Variants in CALU observed in about 807,000 individuals in gnomAD.
The protein encoded by CALU is IEF SSP 9302.
CALU carries 13 observed loss-of-function variants against 37.5 expected under a neutral mutation model. That is an observed-to-expected ratio of 0.35 (90% CI 0.23 to 0.55). The LOEUF (loss-of-function observed/expected upper bound fraction) is 0.55, where lower values mean the gene tolerates loss of function less well. CALU is among the 20% of genes least tolerant of loss of function. CALU has a pLI of 0.89. For missense variants in CALU, 282 were observed against 391.7 expected (o/e 0.72, Z 2.36); for synonymous variants, 114 against 133.8 (o/e 0.85, Z 1.02).
intron 6 of CALU, among the ~76,000 whole-genome samples, chr7:128,767,873 A>G (rs1801396032): frequency 6.6e-6 from 1 of 152,210 alleles, no homozygotes; most frequent in South Asian, 2.1e-4. Flanking sequence ...GCATTGTAGG[A>G]AATTTGGCTT....
At chr7:128,748,533 A>G in intron 1 of CALU, 40 bp from the exon 2 acceptor site, 1 of 1,478,014 alleles carries the variant, frequency 6.8e-7, no homozygotes, top group Non-Finnish European at 9.4e-7. Flanking sequence ...GTTATTAAGC[A>G]TACTGCCTCC....
intron 1 of CALU, among the ~76,000 whole-genome samples, chr7:128,742,305 A>G (rs1157860479): frequency 6.6e-6 from 1 of 152,220 alleles, no homozygotes; most frequent in African/African-American, 2.4e-5. Context: ...ATTGAAGTAG[A>G]CAGTTAAACA....
chr7:128,742,415 C>A (rs528379386), intron 1 of CALU, among the ~76,000 whole-genome samples: 4 of 152,332 alleles, frequency 2.6e-5, no homozygotes, highest in Admixed American at 6.5e-5. Flanking sequence ...ACACCCATTT[C>A]TCCCAATTGT....
In CALU at chr7:128,748,673, T is replaced by C; in HGVS notation, c.90T>C (p.His30=). Residue 30 remains histidine, a synonymous_variant, in exon 2 of 7, where the codon CAT becomes CAC. Coordinates refer to ENST00000249364, the MANE Select transcript of CALU (RefSeq NM_001219.5). The part of the protein sequence containing the change: ...KPTEKKDRVH[H]EPQLSDKVHN... The stretch of plus-strand genomic sequence containing the variant: ...CAGAAAAGAAGGACCGTGTACATCA[T>C]GAGCCTCAGCTCAGTGACAAGGTTC... The C allele has an allele frequency of 6.2e-7, 1 of 1,613,736 alleles. No individual in the cohort carries two copies. The highest frequency in any genetic ancestry group is 8.5e-7 in the Non-Finnish European group (1 of 1,179,614).
chr7:128,742,784 G>A (rs1800288332), intron 1 of CALU, among the ~76,000 whole-genome samples: 1 of 152,100 alleles, frequency 6.6e-6, no homozygotes, highest in African/African-American at 2.4e-5. Context: ...ACCCAGTTAG[G>A]CTTTTCTCTT....
intron 5 of CALU, among the ~76,000 whole-genome samples, chr7:128,763,244 A>T (rs2128882319): frequency 6.6e-6 from 1 of 152,274 alleles, no homozygotes; most frequent in East Asian, 1.9e-4. Context: ...TAAAAATAGA[A>T]ATTCGGCCGA....
intron 1 of CALU, among the ~76,000 whole-genome samples, chr7:128,745,440 ATT>A (rs200876034): frequency 0.3 from 44,855 of 147,206 alleles, 7,813 homozygotes; most frequent in Non-Finnish European, 0.41. Flanking sequence ...ACTCTACAAC[ATT>A]TTTTTTTTTT....
intron 4 of CALU, 139 bp from the exon 5 acceptor site, chr7:128,759,653 G>A: frequency 5.1e-6 from 3 of 590,976 alleles, no homozygotes; most frequent in Middle Eastern, 4.6e-4. Context: ...AGACACACAT[G>A]CATACATACA....
chr7:128,761,932 T>C (rs1185893637), intron 5 of CALU, among the ~76,000 whole-genome samples: 1 of 152,356 alleles, frequency 6.6e-6, no homozygotes, highest in South Asian at 2.1e-4. Flanking sequence ...GTTATTCCAA[T>C]TGAATTACTC....
At chr7:128,750,949 T>C (rs548955220) in intron 2 of CALU, among the ~76,000 whole-genome samples, 1 of 152,352 alleles carries the variant, frequency 6.6e-6, no homozygotes, top group South Asian at 2.1e-4. Flanking sequence ...CGATTTTATG[T>C]ATCCTTAAAA....
intron 5 of CALU, among the ~76,000 whole-genome samples, chr7:128,766,791 A>G (rs1562882393): frequency 2.0e-5 from 3 of 152,078 alleles, no homozygotes; most frequent in Non-Finnish European, 2.9e-5. Context: ...CTTTTTCATT[A>G]TCTTGGAGCT....
At chr7:128,759,947 C>CAA (rs1305787299) in intron 5 of CALU, 95 bp downstream of exon 5, 7 of 752,408 alleles carry the variant, frequency 9.3e-6, no homozygotes, top group Non-Finnish European at 1.6e-5. Context: ...CCTGTAATCC[C>CAA]AACACTGGGA....
At position 128,769,413 on chromosome 7, in the gene CALU, A is replaced by G. The variant is rs1402968820; in HGVS notation, c.*246A>G. On this transcript the variant is annotated 3_prime_UTR_variant, in exon 7 of 7. Coordinates refer to ENST00000249364, the MANE Select transcript of CALU (RefSeq NM_001219.5). Reference sequence around the variant, plus strand: ...TTTACACTTTGTATTATGTATTAACATGGCGTGTTTATTTTTGTATTTTTC... The same window carrying G: ...TTTACACTTTGTATTATGTATTAACGTGGCGTGTTTATTTTTGTATTTTTC... The G allele has an allele frequency of 3.5e-6, 1 of 284,176 alleles. No homozygotes were observed. The highest frequency in any genetic ancestry group is 6.6e-6 in the Non-Finnish European group (1 of 151,056). The allele number at this position is 284,176 out of a possible 1,614,324, so 17.6% of individuals were successfully genotyped here. A position where few individuals can be genotyped will look rare whatever the true frequency, so the allele number is the denominator to read the frequency against.
rs1262399054 is a variant in CALU at position 128,758,906 on chromosome 7, C to G, written c.451C>G (p.Gln151Glu). Residue 151 changes from glutamine (Q) to glutamate (E), a missense_variant, in exon 4 of 7, where the codon CAG (glutamine) becomes GAG (glutamate). Physicochemically the swap from Gln to Glu is conservative, Grantham distance 29 (BLOSUM62 2). Transcript: ENST00000249364. ...PDPDDGFNYK[Q>E]MMVRDERRFK... ...TCCTGATGATGGATTTAACTATAAACAGATGATGGTTAGAGATGAGCGGAG... is the reference window on the plus strand; with the variant it reads ...TCCTGATGATGGATTTAACTATAAAGAGATGATGGTTAGAGATGAGCGGAG... The G allele has an allele frequency of 6.2e-7, 1 of 1,613,786 alleles. No homozygotes were observed. The highest frequency in any genetic ancestry group is 1.1e-5 in the South Asian group (1 of 91,058).
chr7:128,769,194 A>G lies in CALU; in HGVS notation c.*27A>G, dbSNP rs1801460836. On this transcript the variant is annotated 3_prime_UTR_variant, in exon 7 of 7. Transcript: ENST00000249364. ...CTACGGAGGAACCCTCATTTCCTCA[A>G]AAGTAATTTATTTTTACAGCTTCTG... 8.5e-7 allele frequency: 1 copy of G among 1,171,730 alleles called. No homozygotes were observed. The highest frequency in any genetic ancestry group is 2.0e-5 in the Admixed American group (1 of 50,386). The allele number at this position is 1,171,730 out of a possible 1,614,324, so 72.6% of individuals were successfully genotyped here.
chr7:128,767,943 C>A (rs1389240713), intron 6 of CALU, among the ~76,000 whole-genome samples: 1 of 152,026 alleles, frequency 6.6e-6, no homozygotes, highest in Non-Finnish European at 1.5e-5. Context: ...ATTTTTAGAT[C>A]CCCAGGAATT....
At chr7:128,758,327 A>G (rs1800971866) in intron 3 of CALU, among the ~76,000 whole-genome samples, 1 of 152,198 alleles carries the variant, frequency 6.6e-6, no homozygotes, top group Non-Finnish European at 1.5e-5. Context: ...CTATCTTTTT[A>G]ATGAGATCCT....
At position 128,771,359 on chromosome 7, in the gene CALU, A is replaced by G. The variant is rs961906018; in HGVS notation, c.*2192A>G. 2.6e-5 allele frequency: 4 copies of G among 152,654 alleles called. No individual in the cohort carries two copies. The highest frequency in any genetic ancestry group is 4.4e-5 in the Non-Finnish European group (3 of 68,038). 9.5% of individuals were successfully genotyped at this position (152,654 alleles called of 1,614,324 possible). A position where few individuals can be genotyped will look rare whatever the true frequency, so the allele number is the denominator to read the frequency against. The stretch of plus-strand genomic sequence containing the variant: ...CACACCCATATTGTGTGTTCTGTGA[A>G]TGCTAGCTCTCTTGAATTTGGATAT... On this transcript the variant is annotated 3_prime_UTR_variant, in exon 7 of 7. Transcript: ENST00000249364.
chr7:128,759,483 C>T (rs1801016668), intron 4 of CALU, among the ~76,000 whole-genome samples: 1 of 152,144 alleles, frequency 6.6e-6, no homozygotes, highest in Admixed American at 6.5e-5. Flanking sequence ...GTGACTTTAG[C>T]ATGACTAAGG....
Sources: allele counts gnomAD v4.1 joint callset (sites outside exome capture counted in the v4.1 genomes callset), GRCh38; gene constraint gnomAD v4.1.1; transcripts MANE v1.5; gene names NCBI Gene and HGNC (gene_info 2026-07-23, HGNC 2026-07-21).